Variants in EYS observed in about 807,000 individuals in gnomAD.
The protein encoded by EYS is EGF-like photoreceptor maintenance factor, also known as protein eyes shut homolog.
In EYS, 250 loss-of-function variants were observed where a neutral mutation model predicts 282.1. The ratio of observed to expected loss-of-function variants is 0.89; its 90% CI spans 0.80 to 0.98. The LOEUF (loss-of-function observed/expected upper bound fraction) is 0.98, where lower values mean the gene tolerates loss of function less well. EYS is among the 50% of genes least tolerant of loss of function. The pLI, the probability that EYS is intolerant of heterozygous loss-of-function variation, is 0.00. For synonymous variants in EYS, 1,355 were observed against 1,282.9 expected, an observed-to-expected ratio of 1.06 and a Z score of -1.20; for missense variants, 4,016 against 3,709.0, an observed-to-expected ratio of 1.08 and a Z score of -2.15.
chr6:63,981,547 T>C (rs1322670895), intron 35 of EYS, among the ~76,000 whole-genome samples: 3 of 151,844 alleles, frequency 2.0e-5, no homozygotes, highest in South Asian at 2.1e-4. Flanking sequence ...ATAGAAAGCA[T>C]GTTGTTCATA....
intron 41 of EYS, among the ~76,000 whole-genome samples, chr6:63,729,734 ATTTCTCCTGG>A (rs963861293): frequency 5.3e-5 from 8 of 151,790 alleles, no homozygotes; most frequent in Non-Finnish European, 8.8e-5. Flanking sequence ...GTTGTATTCC[ATTTCTCCTGG>A]TTTCCCACCC....
intron 2 of EYS, among the ~76,000 whole-genome samples, chr6:65,605,013 T>A (rs975348067): frequency 5.3e-5 from 8 of 150,980 alleles, no homozygotes; most frequent in African/African-American, 2.0e-4. Context: ...CCAGCTATTT[T>A]TTTTTTTTTT....
intron 28 of EYS, among the ~76,000 whole-genome samples, chr6:64,389,720 GC>G (rs1343828480): frequency 6.6e-6 from 1 of 152,180 alleles, no homozygotes; most frequent in Non-Finnish European, 1.5e-5. Flanking sequence ...AAGCAAGTAA[GC>G]TTTATCATAA....
At chr6:64,182,457 C>T (rs1764812973) in intron 31 of EYS, among the ~76,000 whole-genome samples, 1 of 152,122 alleles carries the variant, frequency 6.6e-6, no homozygotes, top group Non-Finnish European at 1.5e-5. Context: ...TCCATTGCCC[C>T]AACATACTCA....
In EYS at chr6:65,000,479, A is replaced by G. The variant is rs1435226633; in HGVS notation, c.2138-2776T>C. On this transcript the variant is annotated intron_variant, in intron 13 of 42. Transcript: ENST00000503581. ...GTGGAATATACAGAGGTATTTTAAA[A>G]CTGTAACAGCAGGCCAGGCAGGTGG... 2.0e-5 allele frequency among the ~76,000 whole-genome samples: 3 copies of G among 152,178 alleles called. No homozygotes were observed. In the East Asian group the frequency reaches 5.8e-4, roughly 29 times the overall value.
chr6:63,822,770 C>T (rs1771358323), intron 36 of EYS: 1 of 152,122 alleles, frequency 6.6e-6, no homozygotes. Context: ...TGGACCTTCT[C>T]AAGAATATGG....
intron 4 of EYS, among the ~76,000 whole-genome samples, chr6:65,492,183 A>T (rs577958030): frequency 3.9e-5 from 6 of 152,254 alleles, no homozygotes; most frequent in African/African-American, 1.4e-4. Flanking sequence ...TGAAGTAATT[A>T]TTTATAATTA....
chr6:64,959,014 T>G (rs1769821968), intron 14 of EYS, among the ~76,000 whole-genome samples: 1 of 152,166 alleles, frequency 6.6e-6, no homozygotes, highest in African/African-American at 2.4e-5. Flanking sequence ...GTCTTATGGT[T>G]AGCCATTATG....
At chr6:64,422,157 T>C (rs531999297) in intron 28 of EYS, among the ~76,000 whole-genome samples, 9 of 152,170 alleles carry the variant, frequency 5.9e-5, no homozygotes, top group African/African-American at 1.7e-4. Context: ...AGATGATAGA[T>C]AGACAGATAG....
At chr6:64,060,929 C>T (rs1037263980) in intron 33 of EYS, among the ~76,000 whole-genome samples, 3 of 152,100 alleles carry the variant, frequency 2.0e-5, no homozygotes, top group Admixed American at 2.0e-4. Context: ...TTCTTTACAC[C>T]GAGCTATTAA....
intron 42 of EYS, among the ~76,000 whole-genome samples, chr6:63,724,690 T>A (rs1007436104): frequency 6.6e-6 from 1 of 152,168 alleles, no homozygotes; most frequent in Non-Finnish European, 1.5e-5. Flanking sequence ...CTAGTATAAT[T>A]TTCAAGTTAT....
intron 30 of EYS, among the ~76,000 whole-genome samples, chr6:64,238,354 T>C (rs913114699): frequency 6.6e-6 from 1 of 152,144 alleles, no homozygotes; most frequent in Admixed American, 6.6e-5. Context: ...TAGATTCTGA[T>C]TTTACTTTCT....
intron 15 of EYS, among the ~76,000 whole-genome samples, chr6:64,915,186 T>C (rs759976574): frequency 1.3e-5 from 2 of 152,132 alleles, no homozygotes; most frequent in African/African-American, 2.4e-5. Context: ...CAAACAACTA[T>C]ACACTTACCT....
Position 65,555,009 on chromosome 6 carries a change from G to GA in EYS, c.-332-59017dup, listed in dbSNP as rs5876972. Among the ~76,000 whole-genome samples, 101 of 148,356 alleles carry GA rather than the reference G, an allele frequency of 6.8e-4. 1 individual carries two copies. Among genetic ancestry groups the GA allele is most frequent in the Non-Finnish European group, 1.0e-3 (68 of 66,800 alleles). On this transcript the variant is annotated intron_variant, in intron 2 of 42. Transcript: ENST00000503581. ...ATTTTGTACTGTAACTTTACACAAG[G>GA]AAAAAAAAAAAGAAACAATTCAAAT...
intron 33 of EYS, among the ~76,000 whole-genome samples, chr6:64,016,399 A>T (rs1768891967): frequency 6.6e-6 from 1 of 152,154 alleles, no homozygotes; most frequent in Non-Finnish European, 1.5e-5. Flanking sequence ...GCTCAAGGTC[A>T]CAAAGTTCAT....
intron 26 of EYS, among the ~76,000 whole-genome samples, chr6:64,481,577 C>T (rs1337510): frequency 0.32 from 47,882 of 151,070 alleles, 7,690 homozygotes; most frequent in East Asian, 0.5. Flanking sequence ...GAGATTAATA[C>T]GAAATTTAGT....
intron 35 of EYS, among the ~76,000 whole-genome samples, chr6:63,874,721 C>T (rs562959466): frequency 6.6e-6 from 1 of 152,132 alleles, no homozygotes; most frequent in Admixed American, 6.6e-5. Context: ...ATATTTTATT[C>T]TCTTTGAAGC....
rs959656814 is a variant in EYS at position 65,565,425 on chromosome 6, G to A, written c.-332-69432C>T. ...ACCATCTTACGCCAGTTAGAATGGCGATCATTAAAAAGTCAGGAAACAACA... is the reference window on the plus strand; with the variant it reads ...ACCATCTTACGCCAGTTAGAATGGCAATCATTAAAAAGTCAGGAAACAACA... On this transcript the variant is annotated intron_variant, in intron 2 of 42. Transcript: ENST00000503581. 2.6e-5 allele frequency among the ~76,000 whole-genome samples: 4 copies of A among 151,958 alleles called. No individual in the cohort carries two copies. The South Asian group carries it at 6.2e-4, about 24-fold the overall frequency.
intron 1 of EYS, among the ~76,000 whole-genome samples, chr6:65,672,967 A>T (rs149811957): frequency 0.018 from 2,762 of 152,106 alleles, 95 homozygotes; most frequent in African/African-American, 0.064. Flanking sequence ...GGCAGGGGTC[A>T]CAAGGTGCTC....
Sources: allele counts gnomAD v4.1 joint callset (sites outside exome capture counted in the v4.1 genomes callset), GRCh38; gene constraint gnomAD v4.1.1; transcripts MANE v1.5; gene names NCBI Gene and HGNC (gene_info 2026-07-23, HGNC 2026-07-21).